Variants in AKAP13 observed in about 807,000 individuals in gnomAD.
AKAP13 encodes A-kinase anchor protein 13.
Under a neutral mutation model 264.5 loss-of-function variants are expected in AKAP13, and 80 were observed. The ratio of observed to expected loss-of-function variants is 0.30; its 90% confidence interval spans 0.25 to 0.36. AKAP13 has a LOEUF of 0.36. Ranked by LOEUF, AKAP13 falls within the 10% of genes least tolerant of loss-of-function variation. The pLI is 1.00. For synonymous variants in AKAP13, 1,380 were observed against 1,250.2 expected (o/e 1.10, Z -2.19); for missense variants, 3,712 against 3,435.2 (o/e 1.08, Z -2.01).
At position 85,512,290 on chromosome 15, in the gene AKAP13, C is replaced by T. The variant is rs112121728; in HGVS notation, c.34-9138C>T. On this transcript the variant is annotated intron_variant, in intron 2 of 36. Coordinates refer to ENST00000394518, the MANE Select transcript of AKAP13 (RefSeq NM_007200.5). Reference sequence around the variant, plus strand: ...TGCACATCTCTCTGACTTTGTCACACGTTTGGACCCAAGCAACACGTTTGG... The same window carrying T: ...TGCACATCTCTCTGACTTTGTCACATGTTTGGACCCAAGCAACACGTTTGG... 8.2e-4 allele frequency among the ~76,000 whole-genome samples: 125 copies of T among 152,266 alleles called. 5 individuals carry two copies. In the Middle Eastern group the frequency reaches 0.017, roughly 21 times the overall value.
At chr15:85,572,669 AT>A (rs1045304854) in intron 5 of AKAP13, among the ~76,000 whole-genome samples, 6 of 150,762 alleles carry the variant, frequency 4.0e-5, no homozygotes, top group Admixed American at 2.6e-4. Flanking sequence ...TAAAAAAAAA[AT>A]TTTTTTTTTA....
intron 35 of AKAP13, among the ~76,000 whole-genome samples, chr15:85,742,348 C>T (rs2089083753): frequency 6.6e-6 from 1 of 152,208 alleles, no homozygotes; most frequent in Non-Finnish European, 1.5e-5. Context: ...GGAAGCACAC[C>T]AAGAATAAAA....
intron 8 of AKAP13, among the ~76,000 whole-genome samples, chr15:85,616,774 G>T (rs1367650759): frequency 6.6e-6 from 1 of 152,212 alleles, no homozygotes; most frequent in South Asian, 2.1e-4. Flanking sequence ...ACTTGGAATT[G>T]TCACATCAAC....
At chr15:85,663,309 C>CAAA (rs11435393) in intron 12 of AKAP13, among the ~76,000 whole-genome samples, 188 of 134,760 alleles carry the variant, frequency 1.4e-3, no homozygotes, top group Non-Finnish European at 2.4e-3. Flanking sequence ...GGCTCTGTCT[C>CAAA]AAAAAAAAAA....
chr15:85,570,276 C>A (rs1222767526), intron 5 of AKAP13, among the ~76,000 whole-genome samples: 3 of 151,926 alleles, frequency 2.0e-5, no homozygotes, highest in East Asian at 3.9e-4. Flanking sequence ...CATGGCAAAA[C>A]CCCATCTCTA....
In AKAP13 at chr15:85,723,076, T is replaced by C; in HGVS notation, c.6501T>C (p.Asn2167=). ...GAATTATTCTTTCCTTCCAAGACAA[T>C]GAAGTGGAGCAGGAAGATCTAGCAC... ...FQRILQCTKD[N]EVEQEDLAQS... Residue 2167 remains asparagine (N), a synonymous_variant, in exon 26 of 37, where the codon AAT becomes AAC. Coordinates refer to ENST00000394518, the MANE Select transcript of AKAP13 (RefSeq NM_007200.5). 1.2e-6 allele frequency: 2 copies of C among 1,612,480 alleles called. No homozygotes were observed. Among genetic ancestry groups the C allele is most frequent in the Non-Finnish European group, 1.7e-6 (2 of 1,178,712 alleles).
chr15:85,744,009 C>T (rs1010682439), intron 36 of AKAP13, 184 bp downstream of exon 36: 1 of 662,794 alleles, frequency 1.5e-6, no homozygotes. Context: ...TAAGAACCCA[C>T]TCTGTGTGGC....
chr15:85,493,624 A>C (rs2075794970), intron 2 of AKAP13, among the ~76,000 whole-genome samples: 1 of 152,208 alleles, frequency 6.6e-6, no homozygotes, highest in South Asian at 2.1e-4. Context: ...TAGTGCCTAT[A>C]TCTCTCCAGT....
rs1354561096 is a variant in AKAP13 at position 85,747,484 on chromosome 15, CTG to C, written c.*2810_*2811del. On this transcript the variant is annotated 3_prime_UTR_variant, in exon 37 of 37. Transcript: ENST00000394518. ...AGCTAAAGAAATCACGTGCCTGAAACTGTGCTTAAGTTTTGGGGGAAAGATGG... is the reference window on the plus strand; with the variant it reads ...AGCTAAAGAAATCACGTGCCTGAAACTGCTTAAGTTTTGGGGGAAAGATGG... 2.6e-5 allele frequency: 4 copies of C among 152,644 alleles called. No individual in the cohort carries two copies. Among genetic ancestry groups the C allele is most frequent in the Non-Finnish European group, 5.9e-5 (4 of 68,042 alleles). 9.5% of individuals were successfully genotyped at this position (152,644 alleles called of 1,614,324 possible).
At chr15:85,616,574 A>T (rs1236393878) in intron 8 of AKAP13, among the ~76,000 whole-genome samples, 1 of 152,230 alleles carries the variant, frequency 6.6e-6, no homozygotes, top group Non-Finnish European at 1.5e-5. Flanking sequence ...AACTACTGTT[A>T]AGTAGTATGG....
At chr15:85,388,245 A>G (rs367868592) in intron 1 of AKAP13, among the ~76,000 whole-genome samples, 1 of 151,432 alleles carries the variant, frequency 6.6e-6, no homozygotes, top group East Asian at 1.9e-4. Context: ...GGGTTTCACC[A>G]TGTTGGCCAG....
intron 1 of AKAP13, among the ~76,000 whole-genome samples, chr15:85,483,255 C>T (rs1373869638): frequency 6.6e-6 from 1 of 152,210 alleles, no homozygotes; most frequent in Non-Finnish European, 1.5e-5. Flanking sequence ...CTAATCCAGG[C>T]TTGTCCAAAC....
chr15:85,696,855 T>C (rs1370325950), intron 17 of AKAP13, among the ~76,000 whole-genome samples: 1 of 152,178 alleles, frequency 6.6e-6, no homozygotes, highest in Non-Finnish European at 1.5e-5. Flanking sequence ...CTGAGACCCC[T>C]GTATAAGAAA....
intron 4 of AKAP13, among the ~76,000 whole-genome samples, chr15:85,542,580 G>C (rs1205300956): frequency 1.3e-5 from 2 of 152,216 alleles, no homozygotes; most frequent in Non-Finnish European, 2.9e-5. Flanking sequence ...AGGCCATGAA[G>C]AAAGAGATGA....
intron 2 of AKAP13, among the ~76,000 whole-genome samples, chr15:85,510,366 G>A (rs1380921407): frequency 6.6e-6 from 1 of 152,086 alleles, no homozygotes; most frequent in Non-Finnish European, 1.5e-5. Context: ...GTCAGTATAT[G>A]TATTAATATA....
chr15:85,411,672 C>T (rs750408046), intron 1 of AKAP13, among the ~76,000 whole-genome samples: 6 of 152,190 alleles, frequency 3.9e-5, no homozygotes, highest in South Asian at 2.1e-4. Flanking sequence ...CTCTTGACCT[C>T]GTGATCCGCC....
intron 2 of AKAP13, among the ~76,000 whole-genome samples, chr15:85,508,881 A>T (rs2076326407): frequency 6.6e-6 from 1 of 152,016 alleles, no homozygotes; most frequent in South Asian, 2.1e-4. Context: ...AACTTGCTTC[A>T]TTCAGGTTTC....
chr15:85,744,392 C>T (rs546447415), intron 36 of AKAP13: 44 of 520,314 alleles, frequency 8.5e-5, no homozygotes, highest in African/African-American at 8.1e-4. Context: ...TTTTCCTGGC[C>T]TCTTCATAAA....
At position 85,724,973 on chromosome 15, in the gene AKAP13, T is replaced by TA. The variant is rs1227612840; in HGVS notation, c.6746-1436dup. 1.3e-5 allele frequency among the ~76,000 whole-genome samples: 2 copies of TA among 152,212 alleles called. No individual in the cohort carries two copies. Among genetic ancestry groups the TA allele is most frequent in the Non-Finnish European group, 2.9e-5 (2 of 68,022 alleles). ...ATATTCCATGATGTTCTGAGAGCCC[T>TA]AGCTCTCTTTGAGACTTTTACGCTG... On this transcript the variant is annotated intron_variant, in intron 26 of 36. Transcript: ENST00000394518. This position sits in a 1 kb window ranked among gnomAD's most constrained non-coding sequence, Gnocchi z 4.2.
Sources: gnomAD v4.1 joint callset for allele counts (sites outside exome capture counted in the v4.1 genomes callset) on GRCh38, gnomAD v4.1.1 for gene constraint, Gnocchi (gnomAD v3.1) non-coding constraint, MANE v1.5 for transcripts, NCBI Gene and HGNC (gene_info 2026-07-23, HGNC 2026-07-21) for gene names.